MBD5: variants seen among roughly 807,000 people sequenced by gnomAD.
The protein encoded by MBD5 is methyl-CpG binding domain protein 5, also known as methyl-CpG-binding domain protein 5.
Under a neutral mutation model 117.3 loss-of-function variants are expected in MBD5, and 13 were observed. The observed-to-expected ratio is 0.11, with a 90% CI of 0.07 to 0.18. The LOEUF is 0.18. Among genes scored for constraint, MBD5 ranks in the 10% least tolerant of loss-of-function variants. The pLI is 1.00. For synonymous variants in MBD5, 727 were observed against 766.4 expected (o/e 0.95, Z 0.85); for missense variants, 1,879 against 2,093.8 (o/e 0.90, Z 2.00).
At chr2:148,491,070 G>C (rs916995350) in intron 11 of MBD5, among the ~76,000 whole-genome samples, 1 of 152,366 alleles carries the variant, frequency 6.6e-6, no homozygotes, top group South Asian at 2.1e-4. Context: ...AGCTGGGAAG[G>C]GGGTACAGTC....
intron 4 of MBD5, among the ~76,000 whole-genome samples, chr2:148,439,901 A>G (rs928863719): frequency 7.9e-5 from 12 of 151,984 alleles, no homozygotes; most frequent in African/African-American, 1.2e-4. Flanking sequence ...ACCATGCCCA[A>G]TTAATTTGTA....
At chr2:148,219,433 A>T (rs563673203) in intron 2 of MBD5, among the ~76,000 whole-genome samples, 3 of 152,304 alleles carry the variant, frequency 2.0e-5, no homozygotes, top group East Asian at 3.9e-4. Flanking sequence ...TAAAACATAG[A>T]GTATAGTAAA....
At chr2:148,042,833 A>C (rs927394921) in intron 1 of MBD5, among the ~76,000 whole-genome samples, 1 of 152,186 alleles carries the variant, frequency 6.6e-6, no homozygotes, top group African/African-American at 2.4e-5. Context: ...AAATTTTACA[A>C]ATAAAGGGAT....
At chr2:148,105,571 C>T (rs1003136456) in intron 1 of MBD5, among the ~76,000 whole-genome samples, 7 of 152,140 alleles carry the variant, frequency 4.6e-5, no homozygotes, top group Non-Finnish European at 1.5e-5. Flanking sequence ...TCGTTTCTTC[C>T]TTGTTCCTTA....
At chr2:148,313,843 G>T (rs1203360814) in intron 3 of MBD5, among the ~76,000 whole-genome samples, 3 of 152,132 alleles carry the variant, frequency 2.0e-5, no homozygotes, top group Non-Finnish European at 4.4e-5. Flanking sequence ...GGGCTGGAAT[G>T]CACTGTTCCT....
intron 3 of MBD5, among the ~76,000 whole-genome samples, chr2:148,274,831 T>C (rs923641506): frequency 3.3e-5 from 5 of 151,850 alleles, no homozygotes; most frequent in Admixed American, 6.6e-5. Flanking sequence ...TAAGCAATTC[T>C]CCTGCCTCAG....
intron 3 of MBD5, among the ~76,000 whole-genome samples, chr2:148,248,740 T>C (rs1469950482): frequency 6.6e-6 from 1 of 152,136 alleles, no homozygotes. Context: ...TGAAGGTTAA[T>C]ATAACGCTTT....
rs1174492996 is a variant in MBD5 at position 148,490,535 on chromosome 2, A to G, written c.4903A>G (p.Lys1635Glu). Residue 1635 changes from lysine to glutamate, a missense_variant, in exon 11 of 14, where the codon AAA becomes GAA. Transcript: ENST00000642680. ...CAAAGGACTGACTTCCTGGCCTGGA[A>G]AATTAGTAAGAGAAGACGACGTTCA... Reference protein sequence around the residue: ...QIKGLTSWPGKLVREDDVHNS... With the variant: ...QIKGLTSWPGELVREDDVHNS... 1 of 1,614,100 alleles carries G rather than the reference A, an allele frequency of 6.2e-7. No homozygotes were observed. The highest frequency in any genetic ancestry group is 1.3e-5 in the African/African-American group (1 of 74,932).
chr2:148,290,710 C>G (rs987837517), intron 3 of MBD5, among the ~76,000 whole-genome samples: 1 of 152,024 alleles, frequency 6.6e-6, no homozygotes, highest in African/African-American at 2.4e-5. Flanking sequence ...ATTTCTATTA[C>G]CAAATAATAT....
chr2:148,445,545 A>T (rs1706474290), intron 4 of MBD5, among the ~76,000 whole-genome samples: 1 of 151,364 alleles, frequency 6.6e-6, no homozygotes. Flanking sequence ...ATTGTTGGAC[A>T]TTTGGGTTTG....
At chr2:148,399,562 A>G (rs542998752) in intron 4 of MBD5, among the ~76,000 whole-genome samples, 2 of 152,248 alleles carry the variant, frequency 1.3e-5, no homozygotes, top group East Asian at 3.9e-4. Context: ...GGCTGAGACG[A>G]TGGGGTTTTC....
intron 3 of MBD5, among the ~76,000 whole-genome samples, chr2:148,314,375 G>GTT (rs754531646): frequency 1.3e-5 from 1 of 74,864 alleles, no homozygotes. Flanking sequence ...TCAGTGTTAT[G>GTT]GTTTTTTTTT....
At chr2:148,071,638 C>T (rs1036515007) in intron 1 of MBD5, 1 of 152,106 alleles carries the variant, frequency 6.6e-6, no homozygotes, top group Non-Finnish European at 1.5e-5. Flanking sequence ...GAATCCAGAT[C>T]ATTAAAAGAA....
intron 3 of MBD5, among the ~76,000 whole-genome samples, chr2:148,326,011 G>A (rs1490462657): frequency 6.6e-6 from 1 of 152,082 alleles, no homozygotes; most frequent in Non-Finnish European, 1.5e-5. Flanking sequence ...CTTTGAATGT[G>A]TCCCAGAGAT....
At chr2:148,480,206 G>A (rs918174428) in intron 8 of MBD5, among the ~76,000 whole-genome samples, 3 of 151,894 alleles carry the variant, frequency 2.0e-5, no homozygotes, top group African/African-American at 7.2e-5. Context: ...TTTCTTGATG[G>A]TAAAGCAAAA....
chr2:148,392,128 TACAG>T (rs367836492), intron 4 of MBD5, among the ~76,000 whole-genome samples: 179 of 152,312 alleles, frequency 1.2e-3, no homozygotes, highest in African/African-American at 4.1e-3. Context: ...TTTCTAATAA[TACAG>T]ACAAAGTTCA....
At chr2:148,158,806 G>A (rs568329985) in intron 1 of MBD5, among the ~76,000 whole-genome samples, 9 of 152,242 alleles carry the variant, frequency 5.9e-5, no homozygotes, top group East Asian at 5.8e-4. Context: ...TGCAAGCTCC[G>A]CCTCCCGGGT....
chr2:148,487,873 GA>G (rs1336774451), intron 10 of MBD5, among the ~76,000 whole-genome samples: 2 of 152,132 alleles, frequency 1.3e-5, no homozygotes, highest in Non-Finnish European at 2.9e-5. Flanking sequence ...ATTTATTTCT[GA>G]AAAAAACTTA....
chr2:148,021,492 G>GCTGCTACTGCTGCTGCTGCTA lies in MBD5; in HGVS notation c.-1111_-1091dup. 3.5e-6 allele frequency: 2 copies of GCTGCTACTGCTGCTGCTGCTA among 576,328 alleles called. No individual in the cohort carries two copies. Among genetic ancestry groups the GCTGCTACTGCTGCTGCTGCTA allele is most frequent in the East Asian group, 4.5e-5 (1 of 22,356 alleles). The allele number at this position is 576,328 out of a possible 1,614,324, so 35.7% of individuals were successfully genotyped here. ...TGCTGCTGCTGCTGTTGCTGCTGCT[G>GCTGCTACTGCTGCTGCTGCTA]CTGCTACTGCTGCTGCTGCTACTGC... On this transcript the variant is annotated 5_prime_UTR_variant, in exon 1 of 14. Transcript: ENST00000642680.
Sources: gnomAD v4.1 joint callset for allele counts (sites outside exome capture counted in the v4.1 genomes callset) on GRCh38, gnomAD v4.1.1 for gene constraint, MANE v1.5 for transcripts, NCBI Gene and HGNC (gene_info 2026-07-23, HGNC 2026-07-21) for gene names.